The following GABRA1 variants were observed in gnomAD, a reference collection of about 807,000 sequenced individuals.
GABRA1 encodes gamma-aminobutyric acid type A receptor subunit alpha1.
Under a neutral mutation model 48.9 loss-of-function variants are expected in GABRA1, and 9 were observed. The observed-to-expected ratio is 0.18, with a 90% CI of 0.11 to 0.32. The LOEUF (loss-of-function observed/expected upper bound fraction) is 0.32, where lower values mean the gene tolerates loss of function less well. GABRA1 is among the 10% of genes least tolerant of loss of function. The pLI is 1.00. For missense variants in GABRA1, 285 were observed against 553.8 expected (o/e 0.51, Z 4.87); for synonymous variants, 210 against 198.7 (o/e 1.06, Z -0.48).
intron 4 of GABRA1, among the ~76,000 whole-genome samples, chr5:161,871,286 G>A (rs1361654767): frequency 6.6e-6 from 1 of 152,068 alleles, no homozygotes; most frequent in Non-Finnish European, 1.5e-5. Flanking sequence ...TGGGAACGTG[G>A]TCACCTTCAG....
At chr5:161,891,430 G>A (rs980791) in intron 8 of GABRA1, among the ~76,000 whole-genome samples, 95,198 of 151,910 alleles carry the variant, frequency 0.63, 30,143 homozygotes, top group Admixed American at 0.7. Flanking sequence ...TATCAGCAGA[G>A]CTACTTATTT....
chr5:161,862,006 A>C (rs1757880021), intron 3 of GABRA1, among the ~76,000 whole-genome samples: 1 of 151,932 alleles, frequency 6.6e-6, no homozygotes, highest in Non-Finnish European at 1.5e-5. Flanking sequence ...TTTCCGGGGA[A>C]AATATGGCCA....
intron 7 of GABRA1, among the ~76,000 whole-genome samples, chr5:161,890,487 G>A (rs561070009): frequency 6.6e-6 from 1 of 152,162 alleles, no homozygotes; most frequent in Admixed American, 6.5e-5. Context: ...TCTTCAGTAG[G>A]TATTGTGGAT....
chr5:161,882,531 G>A (rs1253763263), intron 6 of GABRA1, 27 bp from the exon 7 acceptor site: 2 of 1,605,956 alleles, frequency 1.2e-6, no homozygotes, highest in Admixed American at 3.3e-5. Flanking sequence ...TAAAATATAT[G>A]GATCATTTTC....
At chr5:161,892,512 A>G (rs189579302) in intron 8 of GABRA1, among the ~76,000 whole-genome samples, 1 of 152,346 alleles carries the variant, frequency 6.6e-6, no homozygotes, top group African/African-American at 2.4e-5. Flanking sequence ...ATTAATATTC[A>G]GAATAATTGC....
chr5:161,881,165 G>C (rs1352662297), intron 6 of GABRA1, among the ~76,000 whole-genome samples: 1 of 152,148 alleles, frequency 6.6e-6, no homozygotes, highest in Non-Finnish European at 1.5e-5. Flanking sequence ...TGGCCAATGA[G>C]TCAAGCTCTT....
chr5:161,866,964 G>T (rs546919277), intron 4 of GABRA1, among the ~76,000 whole-genome samples: 2 of 152,236 alleles, frequency 1.3e-5, no homozygotes, highest in East Asian at 1.9e-4. Flanking sequence ...ACATAGAAGG[G>T]TATATCCTTA....
At chr5:161,878,377 C>T (rs952104277) in intron 6 of GABRA1, among the ~76,000 whole-genome samples, 14 of 152,150 alleles carry the variant, frequency 9.2e-5, no homozygotes, top group South Asian at 2.1e-4. Flanking sequence ...CTGACCTGGC[C>T]TACTTAGCAT....
At position 161,872,675 on chromosome 5, in the gene GABRA1, G is replaced by C. The variant is rs1019435412; in HGVS notation, c.256-442G>C. On this transcript the variant is annotated intron_variant, in intron 4 of 9. Transcript: ENST00000393943. ...TGGGTGTGGGCATGAGGTTTTCAGA[G>C]ACAATGAGAGGGCCCCCAAAACACT... is the stretch of plus-strand genomic sequence containing the variant. Among the ~76,000 whole-genome samples, 44 of 152,226 alleles carry C rather than the reference G, an allele frequency of 2.9e-4. 1 individual carries two copies. Among genetic ancestry groups the C allele is most frequent in the African/African-American group, 9.9e-4 (41 of 41,556 alleles).
intron 7 of GABRA1, among the ~76,000 whole-genome samples, chr5:161,886,096 A>T (rs1202194846): frequency 6.6e-6 from 1 of 152,154 alleles, no homozygotes; most frequent in Non-Finnish European, 1.5e-5. Flanking sequence ...ATGGGGGCCC[A>T]GAGAAGTTTA....
At chr5:161,864,954 T>C (rs544575957) in intron 3 of GABRA1, among the ~76,000 whole-genome samples, 2 of 151,998 alleles carry the variant, frequency 1.3e-5, no homozygotes, top group African/African-American at 2.4e-5. Context: ...CCTCAACAAA[T>C]TGTTCCTTTT....
intron 3 of GABRA1, among the ~76,000 whole-genome samples, chr5:161,861,738 G>A (rs1432594981): frequency 1.3e-5 from 2 of 151,912 alleles, no homozygotes; most frequent in African/African-American, 4.8e-5. Flanking sequence ...GCAGGGAGCT[G>A]GAACATTGCT....
At chr5:161,891,096 A>C (rs772320670) in intron 8 of GABRA1, 46 bp downstream of exon 8, 2 of 1,550,818 alleles carry the variant, frequency 1.3e-6, no homozygotes, top group Non-Finnish European at 1.8e-6. Context: ...TATGGAAGAC[A>C]AGTTATGTCA....
chr5:161,895,644 A>G, intron 8 of GABRA1, 22 bp from the exon 9 acceptor site: 3 of 1,576,192 alleles, frequency 1.9e-6, no homozygotes, highest in Non-Finnish European at 2.6e-6. Context: ...GGCATCATGT[A>G]TGTTTTTTTT....
intron 6 of GABRA1, among the ~76,000 whole-genome samples, chr5:161,876,038 C>G (rs534283021): frequency 6.6e-6 from 1 of 152,020 alleles, no homozygotes; most frequent in Non-Finnish European, 1.5e-5. Flanking sequence ...ATTCGTTTAC[C>G]AGATTAAAGT....
intron 6 of GABRA1, 123 bp from the exon 7 acceptor site, chr5:161,882,435 A>C: frequency 1.1e-6 from 1 of 937,560 alleles, no homozygotes. Flanking sequence ...ACATAAGCTC[A>C]TCTTTCCTAG....
chr5:161,892,573 C>A (rs1356058517), intron 8 of GABRA1, among the ~76,000 whole-genome samples: 2 of 152,174 alleles, frequency 1.3e-5, no homozygotes, highest in Non-Finnish European at 2.9e-5. Context: ...TTCCCATTAC[C>A]ACGTGTCGAT....
chr5:161,880,368 T>C (rs1337718940), intron 6 of GABRA1, among the ~76,000 whole-genome samples: 1 of 152,186 alleles, frequency 6.6e-6, no homozygotes. Context: ...CTACAAATTG[T>C]AAACGATAGG....
At chr5:161,883,974 G>T (rs1754729136) in intron 7 of GABRA1, among the ~76,000 whole-genome samples, 1 of 152,082 alleles carries the variant, frequency 6.6e-6, no homozygotes, top group Non-Finnish European at 1.5e-5. Context: ...TAGTGAGGGA[G>T]ATGTGAACTC....
Sources: gnomAD v4.1 joint callset for allele counts (sites outside exome capture counted in the v4.1 genomes callset) on GRCh38, gnomAD v4.1.1 for gene constraint, MANE v1.5 for transcripts, NCBI Gene and HGNC (gene_info 2026-07-23, HGNC 2026-07-21) for gene names.